Variants in COMT observed in about 807,000 individuals in gnomAD.
COMT encodes the protein catechol-O-methyltransferase, also known as catechol O-methyltransferase.
A neutral mutation model predicts 18.9 loss-of-function variants in COMT; 13 were observed. The ratio of observed to expected loss-of-function variants is 0.69; its 90% confidence interval spans 0.45 to 1.09. COMT has a LOEUF of 1.09. Ranked by LOEUF, COMT falls within the 50% of genes least tolerant of loss-of-function variation. COMT has a pLI of 0.00. For synonymous variants in COMT, 150 were observed against 160.9 expected, an observed-to-expected ratio of 0.93 and a Z score of 0.51; for missense variants, 329 against 361.8, an observed-to-expected ratio of 0.91 and a Z score of 0.73.
At chr22:19,948,005 C>T (rs1029299310) in intron 1 of COMT, among the ~76,000 whole-genome samples, 4 of 152,168 alleles carry the variant, frequency 2.6e-5, no homozygotes, top group African/African-American at 9.7e-5. Context: ...CGTGTCCCTT[C>T]AGCTCTTATC....
intron 1 of COMT, among the ~76,000 whole-genome samples, chr22:19,958,199 C>G (rs1195395644): frequency 7.1e-6 from 1 of 140,360 alleles, no homozygotes; most frequent in Admixed American, 7.7e-5. Flanking sequence ...GGGTCTTGCT[C>G]TGTTGCCCAG....
chr22:19,944,572 C>T (rs12053782), intron 1 of COMT, among the ~76,000 whole-genome samples: 34,918 of 151,132 alleles, frequency 0.23, 4,313 homozygotes, highest in Middle Eastern at 0.34. Flanking sequence ...CGCCTGTAAT[C>T]CCAGCACTTT....
chr22:19,954,891 T>A (rs1306205490), intron 1 of COMT, among the ~76,000 whole-genome samples: 2 of 152,186 alleles, frequency 1.3e-5, no homozygotes, highest in Non-Finnish European at 2.9e-5. Flanking sequence ...CTCCTTCCTC[T>A]CTGCAGGTTG....
Position 19,962,745 on chromosome 22 carries a change from G to C in COMT, c.219G>C (p.Gln73His). The C allele has an allele frequency of 1.2e-6, 2 of 1,613,484 alleles. No individual in the cohort carries two copies. Among genetic ancestry groups the C allele is most frequent in the Non-Finnish European group, 1.7e-6 (2 of 1,179,780 alleles). ...AGCATGCGGAGCCCGGGAACGCACA[G>C]AGCGTGCTGGAGGCCATTGACACCT... Reference protein sequence around the residue: ...VLQHAEPGNAQSVLEAIDTYC... With the variant: ...VLQHAEPGNAHSVLEAIDTYC... Residue 73 changes from glutamine (Q) to histidine (H), a missense_variant, in exon 3 of 6, where the codon CAG (glutamine) becomes CAC (histidine). By Grantham distance (24) the Gln-to-His change is conservative. Coordinates refer to ENST00000361682, the MANE Select transcript of COMT (RefSeq NM_000754.4).
rs118020797 is a variant in COMT at position 19,957,513 on chromosome 22, C to T, written c.-91-3686C>T. On this transcript the variant is annotated intron_variant, in intron 1 of 5. Transcript: ENST00000361682. ...GTGACAGAGGTGATGGACTCTCTAGCTCTGCAGCAGACTGCTGGGCAGAGA... is the reference window on the plus strand; with the variant it reads ...GTGACAGAGGTGATGGACTCTCTAGTTCTGCAGCAGACTGCTGGGCAGAGA... 1.5e-3 allele frequency among the ~76,000 whole-genome samples: 234 copies of T among 152,354 alleles called. 2 individuals are homozygous for T. The East Asian group carries it at 0.035, about 23-fold the overall frequency.
At chr22:19,942,036 G>C in intron 1 of COMT, 139 bp downstream of exon 1, 1 of 397,916 alleles carries the variant, frequency 2.5e-6, no homozygotes. Context: ...GGAGTCTCCG[G>C]ACTTGGGGTG....
chr22:19,962,902 C>A, intron 3 of COMT, 87 bp downstream of exon 3: 1 of 1,494,626 alleles, frequency 6.7e-7, no homozygotes, highest in South Asian at 1.3e-5. Flanking sequence ...CTGTTATCAC[C>A]CCATTTCCAG....
At chr22:19,967,971 G>T (rs749688906) in intron 5 of COMT, among the ~76,000 whole-genome samples, 2 of 152,236 alleles carry the variant, frequency 1.3e-5, no homozygotes, top group African/African-American at 2.4e-5. Context: ...GAGGAACTCT[G>T]TGTCCTCCCA....
At chr22:19,950,729 G>T (rs1941916759) in intron 1 of COMT, among the ~76,000 whole-genome samples, 1 of 152,094 alleles carries the variant, frequency 6.6e-6, no homozygotes, top group African/African-American at 2.4e-5. Context: ...GAAGTATGGA[G>T]GTGATAGGAA....
At chr22:19,952,500 C>T (rs562198269) in intron 1 of COMT, among the ~76,000 whole-genome samples, 124 of 151,740 alleles carry the variant, frequency 8.2e-4, no homozygotes, top group African/African-American at 2.7e-3. Flanking sequence ...GTTAGCCGGG[C>T]GTGGTGGCGG....
chr22:19,967,274 CT>C (rs1942456405), intron 5 of COMT: 1 of 1,207,046 alleles, frequency 8.3e-7, no homozygotes, highest in African/African-American at 1.6e-5. Flanking sequence ...GCCCAGGCCC[CT>C]CACTCATGCA....
intron 2 of COMT, among the ~76,000 whole-genome samples, 152 bp downstream of exon 2, chr22:19,961,441 C>T (rs1253652235): frequency 6.6e-6 from 1 of 152,212 alleles, no homozygotes; most frequent in Non-Finnish European, 1.5e-5. Flanking sequence ...GTCCGCATGA[C>T]CTCCCCCTAG....
Position 19,968,910 on chromosome 22 carries a change from CTTT to C in COMT, c.*178_*180del, listed in dbSNP as rs14968. On this transcript the variant is annotated 3_prime_UTR_variant, in exon 6 of 6. Coordinates refer to ENST00000361682, the MANE Select transcript of COMT (RefSeq NM_000754.4). The stretch of plus-strand genomic sequence containing the variant: ...CTCTGAACTGCAACACTGGATTGTT[CTTT>C]TTTAAGACTCAATCATGACTTCTTT... 2 of 624,560 alleles carry C rather than the reference CTTT, an allele frequency of 3.2e-6. No individual in the cohort carries two copies. Among genetic ancestry groups the C allele is most frequent in the African/African-American group, 3.6e-5 (2 of 55,116 alleles). The allele number at this position is 624,560 out of a possible 1,614,324, so 38.7% of individuals were successfully genotyped here.
At chr22:19,941,982 G>T in intron 1 of COMT, 85 bp downstream of exon 1, 1 of 540,320 alleles carries the variant, frequency 1.9e-6, no homozygotes, top group Non-Finnish European at 3.0e-6. Context: ...CTGGGATAGG[G>T]TGTGGGGAAT....
At chr22:19,963,024 A>G in intron 3 of COMT, 1 of 606,730 alleles carries the variant, frequency 1.6e-6, no homozygotes, top group Non-Finnish European at 2.9e-6. Context: ...CTGCCCCAGG[A>G]CAACAGGCCC....
At chr22:19,958,505 C>T (rs1308845247) in intron 1 of COMT, among the ~76,000 whole-genome samples, 8 of 150,100 alleles carry the variant, frequency 5.3e-5, no homozygotes, top group Admixed American at 2.0e-4. Flanking sequence ...CTGTTTTCCA[C>T]GGCATTCACA....
intron 1 of COMT, 27 bp downstream of exon 1, chr22:19,941,924 G>A (rs1255503364): frequency 3.8e-6 from 4 of 1,062,918 alleles, no homozygotes; most frequent in Non-Finnish European, 5.0e-6. Context: ...GACCGGGGCC[G>A]AATGCGGCCG....
In COMT at chr22:19,968,889, G is replaced by C. The variant is rs1376432240; in HGVS notation, c.*153G>C. The C allele has an allele frequency of 4.4e-6, 3 of 678,904 alleles. No homozygotes were observed. The South Asian group carries it at 5.0e-5, about 11-fold the overall frequency. The allele number at this position is 678,904 out of a possible 1,614,324, so 42.1% of individuals were successfully genotyped here. A position where few individuals can be genotyped will look rare whatever the true frequency, so the allele number is the denominator to read the frequency against. On this transcript the variant is annotated 3_prime_UTR_variant, in exon 6 of 6. Coordinates refer to ENST00000361682, the MANE Select transcript of COMT (RefSeq NM_000754.4). ...TGCGCCCTGACATGCTAACCTCTCT[G>C]AACTGCAACACTGGATTGTTCTTTT...
In COMT at chr22:19,941,843, G is replaced by T. The variant is rs1490010007; in HGVS notation, c.-146G>T. ...TGGGGCAGCTAGGGCTGCCCGCCGC[G>T]CTGCCTGCGCCGGACCGGGGCGGGT... On this transcript the variant is annotated 5_prime_UTR_variant, in exon 1 of 6. Coordinates refer to ENST00000361682, the MANE Select transcript of COMT (RefSeq NM_000754.4). 2.7e-6 allele frequency: 4 copies of T among 1,485,024 alleles called. No individual in the cohort carries two copies. The Admixed American group carries it at 6.8e-5, about 25-fold the overall frequency. The allele number at this position is 1,485,024 out of a possible 1,614,324, so 92.0% of individuals were successfully genotyped here.
Sources: allele counts gnomAD v4.1 joint callset (sites outside exome capture counted in the v4.1 genomes callset), GRCh38; gene constraint gnomAD v4.1.1; transcripts MANE v1.5; gene names NCBI Gene and HGNC (gene_info 2026-07-23, HGNC 2026-07-21).